The following HS6ST3 variants were observed in gnomAD, a reference collection of about 807,000 sequenced individuals.
HS6ST3 encodes heparan-sulfate 6-O-sulfotransferase 3.
Under a neutral mutation model 36.7 loss-of-function variants are expected in HS6ST3, and 12 were observed. The ratio of observed to expected loss-of-function variants is 0.33; its 90% CI spans 0.21 to 0.53. The LOEUF (loss-of-function observed/expected upper bound fraction) is 0.53, where lower values mean the gene tolerates loss of function less well. HS6ST3 is among the 20% of genes least tolerant of loss of function. HS6ST3 has a pLI of 0.95. For missense variants in HS6ST3, 584 were observed against 640.9 expected (o/e 0.91, Z 0.96); for synonymous variants, 240 against 257.5 (o/e 0.93, Z 0.65).
intron 1 of HS6ST3, among the ~76,000 whole-genome samples, chr13:96,825,029 G>A (rs1196017908): frequency 6.6e-6 from 1 of 152,166 alleles, no homozygotes. Flanking sequence ...GGGGCAATGG[G>A]GGAGAAATCC....
chr13:96,504,694 G>A (rs1383847588), intron 1 of HS6ST3, among the ~76,000 whole-genome samples: 1 of 152,112 alleles, frequency 6.6e-6, no homozygotes, highest in Non-Finnish European at 1.5e-5. Context: ...TTAGTCCCAA[G>A]GGACCTGACA....
intron 1 of HS6ST3, among the ~76,000 whole-genome samples, chr13:96,247,845 C>T (rs1428899537): frequency 6.6e-6 from 1 of 152,094 alleles, no homozygotes; most frequent in East Asian, 1.9e-4. Context: ...CAGGTTCATA[C>T]TTCAGCATAC....
At chr13:96,706,712 C>T (rs1875437307) in intron 1 of HS6ST3, among the ~76,000 whole-genome samples, 1 of 152,010 alleles carries the variant, frequency 6.6e-6, no homozygotes, top group Admixed American at 6.6e-5. Context: ...AACATTCTGC[C>T]TCTTCCACGT....
At chr13:96,695,724 A>G (rs941225440) in intron 1 of HS6ST3, among the ~76,000 whole-genome samples, 2 of 152,022 alleles carry the variant, frequency 1.3e-5, no homozygotes, top group East Asian at 3.9e-4. Context: ...GGTGTGAGCC[A>G]CCATACCCAG....
intron 1 of HS6ST3, among the ~76,000 whole-genome samples, chr13:96,326,016 G>A (rs1439551752): frequency 7.9e-5 from 12 of 152,048 alleles, no homozygotes; most frequent in Admixed American, 5.9e-4. Context: ...AAATTCCCTA[G>A]TGATAATGAA....
intron 1 of HS6ST3, among the ~76,000 whole-genome samples, chr13:96,147,011 C>A (rs2139320816): frequency 6.6e-6 from 1 of 152,274 alleles, no homozygotes; most frequent in Admixed American, 6.5e-5. Context: ...AACTGAGATG[C>A]AGAAAGATGA....
chr13:96,608,969 A>ATATT (rs957243152), intron 1 of HS6ST3, among the ~76,000 whole-genome samples: 2 of 151,684 alleles, frequency 1.3e-5, no homozygotes, highest in East Asian at 1.9e-4. Context: ...TTATTTATTT[A>ATATT]TATTTATTTA....
intron 1 of HS6ST3, among the ~76,000 whole-genome samples, chr13:96,383,453 A>C (rs2055351696): frequency 6.6e-6 from 1 of 151,986 alleles, no homozygotes; most frequent in South Asian, 2.1e-4. Context: ...TCAAAAAGAA[A>C]AAAAAAGTGG....
intron 1 of HS6ST3, among the ~76,000 whole-genome samples, chr13:96,522,080 C>T (rs2056095758): frequency 6.6e-6 from 1 of 152,280 alleles, no homozygotes; most frequent in Admixed American, 6.5e-5. Context: ...CAAAGAACAT[C>T]TTTATTTCTG....
At chr13:96,412,168 C>A (rs1248495251) in intron 1 of HS6ST3, among the ~76,000 whole-genome samples, 1 of 152,068 alleles carries the variant, frequency 6.6e-6, no homozygotes. Context: ...CCACGCCCAG[C>A]TAATTTTTGC....
intron 1 of HS6ST3, among the ~76,000 whole-genome samples, chr13:96,816,652 A>G (rs1878428076): frequency 6.6e-6 from 1 of 152,194 alleles, no homozygotes; most frequent in African/African-American, 2.4e-5. Context: ...TCCAGGGGAA[A>G]GGTATCACAT....
chr13:96,146,186 G>A (rs2054057332), intron 1 of HS6ST3, among the ~76,000 whole-genome samples: 1 of 152,050 alleles, frequency 6.6e-6, no homozygotes, highest in Admixed American at 6.5e-5. Flanking sequence ...TTCCAATTCT[G>A]TTAAGAAAGT....
At chr13:96,532,384 T>C (rs1332096718) in intron 1 of HS6ST3, among the ~76,000 whole-genome samples, 4 of 152,250 alleles carry the variant, frequency 2.6e-5, no homozygotes, top group African/African-American at 7.2e-5. Context: ...AGTTTGCATA[T>C]GCAAATGTGT....
intron 1 of HS6ST3, among the ~76,000 whole-genome samples, chr13:96,691,261 C>T (rs522095): frequency 0.98 from 149,810 of 152,188 alleles, 73,775 homozygotes; most frequent in Middle Eastern, 1. Context: ...TGACAGGCTA[C>T]TGAAGATAAG....
At chr13:96,266,809 C>T (rs2054694592) in intron 1 of HS6ST3, among the ~76,000 whole-genome samples, 2 of 152,162 alleles carry the variant, frequency 1.3e-5, no homozygotes, top group South Asian at 4.1e-4. Context: ...CTATATGCCA[C>T]ACACATTCCA....
intron 1 of HS6ST3, among the ~76,000 whole-genome samples, chr13:96,632,321 G>T (rs561355024): frequency 0.024 from 3,242 of 134,510 alleles, 103 homozygotes; most frequent in African/African-American, 0.082. Flanking sequence ...GTTTTTTTTT[G>T]TTTGTTTGTT....
chr13:96,669,952 G>A (rs542383157), intron 1 of HS6ST3, among the ~76,000 whole-genome samples: 2 of 152,194 alleles, frequency 1.3e-5, no homozygotes. Context: ...ATAGGGGCTA[G>A]AAATTTAAAT....
chr13:96,389,832 T>C (rs2055387160), intron 1 of HS6ST3, among the ~76,000 whole-genome samples: 1 of 152,170 alleles, frequency 6.6e-6, no homozygotes, highest in South Asian at 2.1e-4. Flanking sequence ...AAAATGGAGC[T>C]CTGGTTTTCC....
chr13:96,829,041 C>T (rs941153747), intron 1 of HS6ST3, among the ~76,000 whole-genome samples: 7 of 152,164 alleles, frequency 4.6e-5, no homozygotes, highest in Admixed American at 4.6e-4. Context: ...TTTAGCTTCT[C>T]TACTGAGCTT....
Sources: gnomAD v4.1 joint callset for allele counts (sites outside exome capture counted in the v4.1 genomes callset) on GRCh38, gnomAD v4.1.1 for gene constraint, MANE v1.5 for transcripts, NCBI Gene and HGNC (gene_info 2026-07-23, HGNC 2026-07-21) for gene names.